Variants in COL4A4 observed in about 807,000 individuals in gnomAD.
COL4A4 encodes collagen type IV alpha 4 chain, also known as collagen alpha-4(IV) chain.
COL4A4 carries 105 observed loss-of-function variants against 192.9 expected under a neutral mutation model. The ratio of observed to expected loss-of-function variants is 0.54; its 90% CI spans 0.46 to 0.64. The LOEUF (loss-of-function observed/expected upper bound fraction) is 0.64, where lower values mean the gene tolerates loss of function less well. Among genes scored for constraint, COL4A4 ranks in the 30% least tolerant of loss-of-function variants. The pLI is 0.00. For missense variants in COL4A4, 1,967 were observed against 2,169.3 expected (o/e 0.91, Z 1.85); for synonymous variants, 762 against 769.9 (o/e 0.99, Z 0.17).
intron 19 of COL4A4, 128 bp downstream of exon 19, chr2:227,098,566 A>G (rs1576485012): frequency 1.4e-6 from 1 of 720,152 alleles, no homozygotes; most frequent in Non-Finnish European, 2.4e-6. Flanking sequence ...GGGTGTGCAC[A>G]GGCATCGGTA....
At chr2:227,159,729 C>G (rs537658752) in intron 1 of COL4A4, among the ~76,000 whole-genome samples, 169 of 152,262 alleles carry the variant, frequency 1.1e-3, no homozygotes, top group African/African-American at 4.0e-3. Context: ...CTCCTGCTGC[C>G]CTGTGAAGAG....
At chr2:227,092,945 C>T (rs1444655219) in intron 20 of COL4A4, among the ~76,000 whole-genome samples, 1 of 152,070 alleles carries the variant, frequency 6.6e-6, no homozygotes, top group Non-Finnish European at 1.5e-5. Context: ...AGTATAGAGG[C>T]AAATAACAAA....
the COL4A4 span, among the ~76,000 whole-genome samples, chr2:226,968,712 G>C: frequency 1.1e-4 from 17 of 152,178 alleles, no homozygotes; most frequent in African/African-American, 4.1e-4. Context: ...TTTAAGTGGG[G>C]CAGTTGGCAT....
chr2:227,116,030 G>A (rs1028578558), intron 7 of COL4A4, among the ~76,000 whole-genome samples: 1 of 152,242 alleles, frequency 6.6e-6, no homozygotes, highest in Non-Finnish European at 1.5e-5. Flanking sequence ...CAATGACTGA[G>A]AGGACGACTA....
chr2:226,981,569 T>TACACACACACACACAC, the COL4A4 span, among the ~76,000 whole-genome samples: 20 of 150,168 alleles, frequency 1.3e-4, no homozygotes, highest in African/African-American at 4.9e-4. Flanking sequence ...TGCACACACA[T>TACACACACACACACAC]ACACACACAC....
At chr2:226,970,866 T>G in the COL4A4 span, among the ~76,000 whole-genome samples, 3 of 152,164 alleles carry the variant, frequency 2.0e-5, no homozygotes, top group Admixed American at 6.5e-5. Context: ...GTGCCCATCA[T>G]GTGGGGACAT....
At chr2:227,025,603 CTGAA>C (rs1300594712) in intron 43 of COL4A4, among the ~76,000 whole-genome samples, 195 bp downstream of exon 43, 1 of 152,082 alleles carries the variant, frequency 6.6e-6, no homozygotes, top group Non-Finnish European at 1.5e-5. Context: ...TATAATGAGG[CTGAA>C]TGTTAGGATG....
At chr2:226,980,838 G>A in the COL4A4 span, among the ~76,000 whole-genome samples, 1 of 152,160 alleles carries the variant, frequency 6.6e-6, no homozygotes, top group African/African-American at 2.4e-5. Context: ...TTCTTTTTCT[G>A]TTCATAAAAT....
the COL4A4 span, among the ~76,000 whole-genome samples, chr2:226,973,153 G>A: frequency 6.6e-6 from 1 of 152,108 alleles, no homozygotes. Context: ...TTTTTGCAGT[G>A]TGTATGTGTG....
intron 41 of COL4A4, among the ~76,000 whole-genome samples, chr2:227,028,456 T>C (rs1041834557): frequency 2.6e-5 from 4 of 152,158 alleles, no homozygotes; most frequent in African/African-American, 7.2e-5. Flanking sequence ...ACATCCATGA[T>C]GTCTTCCTCA....
In COL4A4 at chr2:227,045,915, G is replaced by GTA. The variant is rs1559489066; in HGVS notation, c.3289+1558_3289+1559dup. Among the ~76,000 whole-genome samples the GTA allele has an allele frequency of 5.8e-4, 17 of 29,508 alleles. 2 individuals are homozygous for GTA. The highest frequency in any genetic ancestry group is 2.8e-3 in the African/African-American group (15 of 5,314). 19.4% of individuals were successfully genotyped at this position (29,508 alleles called of 152,430 possible). ...ATATTTAGATAGTATATATATGTAT[G>GTA]TATATGTATATGTATATATGTATAT... On this transcript the variant is annotated intron_variant, in intron 35 of 47. Coordinates refer to ENST00000396625, the MANE Select transcript of COL4A4 (RefSeq NM_000092.5).
chr2:226,998,451 C>G (rs901373540), downstream of COL4A4: 5 of 152,162 alleles, frequency 3.3e-5, no homozygotes, highest in Non-Finnish European at 7.3e-5. Context: ...CCTCCTTGTT[C>G]CCAGTCTTAG....
At chr2:227,022,012 C>A in intron 44 of COL4A4, 36 bp downstream of exon 44, 1 of 1,602,430 alleles carries the variant, frequency 6.2e-7, no homozygotes, top group Non-Finnish European at 8.5e-7. Context: ...AGCAATATAT[C>A]ATGAAAATAA....
chr2:227,157,214 G>C (rs548842620), intron 1 of COL4A4, among the ~76,000 whole-genome samples: 2 of 152,160 alleles, frequency 1.3e-5, no homozygotes, highest in African/African-American at 4.8e-5. Flanking sequence ...AATAACCCAT[G>C]AGTCAAGGAA....
intron 17 of COL4A4, among the ~76,000 whole-genome samples, chr2:227,100,740 C>T (rs576753479): frequency 6.6e-6 from 1 of 152,054 alleles, no homozygotes; most frequent in Non-Finnish European, 1.5e-5. Flanking sequence ...CTACAATTCC[C>T]ACCTGTTGTG....
chr2:227,159,861 G>T (rs2064678598), intron 1 of COL4A4, among the ~76,000 whole-genome samples: 1 of 152,168 alleles, frequency 6.6e-6, no homozygotes, highest in Non-Finnish European at 1.5e-5. Flanking sequence ...GGCAGTATGA[G>T]AACAGACTAA....
chr2:227,114,185 G>A (rs2061365975), intron 8 of COL4A4, among the ~76,000 whole-genome samples: 1 of 152,200 alleles, frequency 6.6e-6, no homozygotes, highest in South Asian at 2.1e-4. Context: ...TCCTCCACTG[G>A]GGTGATTTCC....
chr2:227,092,977 A>G (rs1255287029), intron 20 of COL4A4, among the ~76,000 whole-genome samples: 7 of 152,188 alleles, frequency 4.6e-5, no homozygotes, highest in Non-Finnish European at 1.0e-4. Flanking sequence ...CATGTGTTGA[A>G]ATGATTGCCC....
In COL4A4 at chr2:227,056,011, G is replaced by T; in HGVS notation, c.2650C>A (p.Pro884Thr). ...LPGRPGAHGP[P>T]GLPGIPGPFG... Reference sequence around the variant, plus strand: ...GGACCTGGGATTCCTGGGAGGCCTGGGGGACCATGTGCCCCAGGCCGTCCT... The same window carrying T: ...GGACCTGGGATTCCTGGGAGGCCTGTGGGACCATGTGCCCCAGGCCGTCCT... Residue 884 changes from proline (P) to threonine (T), a missense_variant, in exon 30 of 48, where the codon CCA becomes ACA. Transcript: ENST00000396625. 1 of 1,613,994 alleles carries T rather than the reference G, an allele frequency of 6.2e-7. No individual in the cohort carries two copies. The highest frequency in any genetic ancestry group is 8.5e-7 in the Non-Finnish European group (1 of 1,179,942).
Sources: allele counts gnomAD v4.1 joint callset (sites outside exome capture counted in the v4.1 genomes callset), GRCh38; gene constraint gnomAD v4.1.1; transcripts MANE v1.5; gene names NCBI Gene and HGNC (gene_info 2026-07-23, HGNC 2026-07-21).